Variants in STARD13 observed in about 807,000 individuals in gnomAD.
The protein encoded by STARD13 is stAR-related lipid transfer protein 13.
Under a neutral mutation model 106.4 loss-of-function variants are expected in STARD13, and 62 were observed. The ratio of observed to expected loss-of-function variants is 0.58; its 90% confidence interval spans 0.48 to 0.72. The LOEUF (loss-of-function observed/expected upper bound fraction) is 0.72. Among genes scored for constraint, STARD13 ranks in the 30% least tolerant of loss-of-function variants. STARD13 has a pLI of 0.00. For synonymous variants in STARD13, 565 were observed against 553.0 expected (o/e 1.02, Z -0.31); for missense variants, 1,387 against 1,424.0 (o/e 0.97, Z 0.42).
At chr13:33,255,971 A>G (rs1466611788) in intron 1 of STARD13, among the ~76,000 whole-genome samples, 2 of 152,226 alleles carry the variant, frequency 1.3e-5, no homozygotes, top group African/African-American at 2.4e-5. Flanking sequence ...CAATTTTTAT[A>G]TCAAGTATAA....
rs1329305534 is a variant in STARD13 at position 33,127,433 on chromosome 13, A to C, written c.1862T>G (p.Leu621Arg). The change falls in exon 6 of 14, where the codon CTG becomes CGG. Residue 621 changes from leucine (L) to arginine (R), a missense_variant. By Grantham distance (102) the Leu-to-Arg change is moderately radical. Transcript: ENST00000336934. The stretch of plus-strand genomic sequence containing the variant: ...CTCCATGATGGCCGTGAGGCGGAGC[A>C]GTGAGAAGCGCTGGAGCAGGCTCAG... ...SQLSLLQRFS[L>R]LRLTAIMEKH... The C allele has an allele frequency of 1.2e-6, 2 of 1,605,086 alleles. No homozygotes were observed. Among genetic ancestry groups the C allele is most frequent in the Non-Finnish European group, 8.5e-7 (1 of 1,178,714 alleles).
the STARD13 span, among the ~76,000 whole-genome samples, chr13:33,649,480 T>G: frequency 3.9e-5 from 6 of 152,200 alleles, no homozygotes; most frequent in African/African-American, 1.4e-4. Context: ...AATATGCCTT[T>G]TTAGTGTTTA....
At chr13:33,187,372 T>A (rs780238831) in intron 1 of STARD13, among the ~76,000 whole-genome samples, 8 of 152,248 alleles carry the variant, frequency 5.3e-5, no homozygotes, top group Non-Finnish European at 1.2e-4. Context: ...ACCTCCAGAA[T>A]CTGCTCATGG....
chr13:33,264,418 T>C (rs563126703), intron 1 of STARD13, among the ~76,000 whole-genome samples: 8 of 152,190 alleles, frequency 5.3e-5, no homozygotes, highest in Non-Finnish European at 1.0e-4. Context: ...ACTTGGGTCC[T>C]GTTGGTTTAG....
At chr13:33,643,844 T>G in the STARD13 span, among the ~76,000 whole-genome samples, 1 of 152,188 alleles carries the variant, frequency 6.6e-6, no homozygotes, top group Admixed American at 6.5e-5. Flanking sequence ...CCCTCCTTGC[T>G]TCCCCCAGGA....
chr13:33,626,137 A>G, the STARD13 span, among the ~76,000 whole-genome samples: 1 of 151,994 alleles, frequency 6.6e-6, no homozygotes, highest in African/African-American at 2.4e-5. Flanking sequence ...AGAAACACAC[A>G]CACACACATC....
the STARD13 span, among the ~76,000 whole-genome samples, chr13:33,380,014 C>A: frequency 1.6e-5 from 2 of 124,660 alleles, no homozygotes; most frequent in African/African-American, 3.4e-5. Flanking sequence ...AATACTCTTG[C>A]GATAAAATAA....
chr13:33,348,663 A>C (rs1009439919), exon 2 of STARD13: 5 of 155,510 alleles, frequency 3.2e-5, no homozygotes, highest in African/African-American at 1.2e-4. Context: ...CTCTAACACC[A>C]TCCATCATGT....
chr13:33,449,885 C>A, the STARD13 span, among the ~76,000 whole-genome samples: 1 of 152,006 alleles, frequency 6.6e-6, no homozygotes, highest in African/African-American at 2.4e-5. Context: ...TTTTCAGGTT[C>A]TTCACTATTG....
chr13:33,500,293 A>C, the STARD13 span, among the ~76,000 whole-genome samples: 2 of 152,198 alleles, frequency 1.3e-5, no homozygotes, highest in Admixed American at 1.3e-4. Context: ...CATCTTTTCA[A>C]ATGAAATTAT....
the STARD13 span, among the ~76,000 whole-genome samples, chr13:33,522,941 T>A: frequency 6.6e-6 from 1 of 152,184 alleles, no homozygotes; most frequent in Non-Finnish European, 1.5e-5. Flanking sequence ...ATAGGCAATG[T>A]GTGTGAGAGC....
At chr13:33,276,166 G>A (rs1007144538) in intron 1 of STARD13, 1 of 152,154 alleles carries the variant, frequency 6.6e-6, no homozygotes, top group Non-Finnish European at 1.5e-5. Flanking sequence ...GCTAATATGA[G>A]GATCCAAATT....
the STARD13 span, among the ~76,000 whole-genome samples, chr13:33,622,807 C>T: frequency 6.6e-5 from 10 of 151,654 alleles, no homozygotes; most frequent in African/African-American, 2.4e-4. Flanking sequence ...GTAGTCCCAG[C>T]TACTCGGGAG....
intron 1 of STARD13, among the ~76,000 whole-genome samples, chr13:33,302,434 G>T (rs932414702): frequency 6.6e-6 from 1 of 151,588 alleles, no homozygotes; most frequent in African/African-American, 2.4e-5. Context: ...TCTGTTTTTT[G>T]AGACAAGGTC....
At chr13:33,170,659 A>T (rs1171928935) in intron 1 of STARD13, among the ~76,000 whole-genome samples, 1 of 152,210 alleles carries the variant, frequency 6.6e-6, no homozygotes, top group Non-Finnish European at 1.5e-5. Flanking sequence ...TGTCCTAGCC[A>T]TGGCAGGTGA....
At chr13:33,542,761 G>A in the STARD13 span, among the ~76,000 whole-genome samples, 3 of 152,228 alleles carry the variant, frequency 2.0e-5, no homozygotes, top group African/African-American at 7.2e-5. Flanking sequence ...GAGCGCAAAG[G>A]AAGGGATCCG....
At chr13:33,499,519 T>TTTCTTCTTCTTCTTCTTCCTC in the STARD13 span, among the ~76,000 whole-genome samples, 2 of 91,974 alleles carry the variant, frequency 2.2e-5, no homozygotes, top group African/African-American at 7.9e-5. Context: ...TTCTTCTTTC[T>TTTCTTCTTCTTCTTCTTCCTC]TTCTTCTTCT....
At chr13:33,503,056 A>G in the STARD13 span, among the ~76,000 whole-genome samples, 1 of 152,192 alleles carries the variant, frequency 6.6e-6, no homozygotes, top group Non-Finnish European at 1.5e-5. Context: ...CCTCAATTTC[A>G]GAACCTGTTA....
At chr13:33,193,481 C>T (rs189806501) in intron 1 of STARD13, among the ~76,000 whole-genome samples, 2 of 152,286 alleles carry the variant, frequency 1.3e-5, no homozygotes, top group East Asian at 3.9e-4. Flanking sequence ...ACTCGAGGCT[C>T]TTTACTGTAT....
Sources: allele counts gnomAD v4.1 joint callset (sites outside exome capture counted in the v4.1 genomes callset), GRCh38; gene constraint gnomAD v4.1.1; transcripts MANE v1.5; gene names NCBI Gene and HGNC (gene_info 2026-07-23, HGNC 2026-07-21).